GALNT2: variants seen among roughly 807,000 people sequenced by gnomAD.
GALNT2 encodes polypeptide N-acetylgalactosaminyltransferase 2, also known as UDP-GalNAc:polypeptide N-acetylgalactosaminyltransferase 2.
GALNT2 carries 31 observed loss-of-function variants against 81.4 expected under a neutral mutation model. That is an observed-to-expected ratio of 0.38 (90% confidence interval 0.29 to 0.51). The LOEUF is 0.51. Among genes scored for constraint, GALNT2 ranks in the 20% least tolerant of loss-of-function variants. The probability of loss-of-function intolerance (pLI) is 0.87; values close to 1 mark genes in which losing one functional copy is unlikely to be tolerated. For synonymous variants in GALNT2, 303 were observed against 287.4 expected (o/e 1.05, Z -0.55); for missense variants, 629 against 765.7 (o/e 0.82, Z 2.11).
At chr1:230,184,702 C>T (rs1663266478) in intron 2 of GALNT2, among the ~76,000 whole-genome samples, 1 of 151,842 alleles carries the variant, frequency 6.6e-6, no homozygotes, top group Non-Finnish European at 1.5e-5. Context: ...TATGATATGC[C>T]TCAGTGTAGT....
rs142119223 is a variant in GALNT2, at chr1:230,146,223, C to G, written c.127-31995C>G. ...AAGACTGTAGTTATTTTTCCCCTCC[C>G]TTTTCATGTATCTCGTTAGGGAGCC... On this transcript the variant is annotated intron_variant, in intron 1 of 15. Transcript: ENST00000366672. Among the ~76,000 whole-genome samples, 226 of 152,250 alleles carry G rather than the reference C, an allele frequency of 1.5e-3. 1 individual carries two copies. The highest frequency in any genetic ancestry group is 5.2e-3 in the African/African-American group (217 of 41,540).
At position 230,250,553 on chromosome 1, in the gene GALNT2, G is replaced by A. The variant is rs1175664199; in HGVS notation, c.1002G>A (p.Glu334=). 5 of 1,610,042 alleles carry A rather than the reference G, an allele frequency of 3.1e-6. No individual in the cohort carries two copies. Among genetic ancestry groups the A allele is most frequent in the African/African-American group, 2.7e-5 (2 of 74,862 alleles). ...YDMMMDVWGG[E]NLEISFRVWQ... ...TGATGATGGATGTGTGGGGAGGAGA[G>A]AACCTAGGTATGTACAAGCCTCAAA... The change falls in exon 10 of 16, where the codon GAG becomes GAA. Residue 334 remains glutamate (E), a synonymous_variant. Coordinates refer to ENST00000366672, the MANE Select transcript of GALNT2 (RefSeq NM_004481.5).
At chr1:230,155,795 C>T (rs1321889452) in intron 1 of GALNT2, among the ~76,000 whole-genome samples, 2 of 152,214 alleles carry the variant, frequency 1.3e-5, no homozygotes, top group South Asian at 4.1e-4. Flanking sequence ...AGGGCCAGGT[C>T]GTGAGGGCAC....
intron 1 of GALNT2, among the ~76,000 whole-genome samples, chr1:230,071,944 A>G (rs995017052): frequency 6.6e-6 from 1 of 152,184 alleles, no homozygotes; most frequent in African/African-American, 2.4e-5. Context: ...ACCCTTGAGC[A>G]AAAATGAAAA....
chr1:230,184,673 T>C (rs141664451), intron 2 of GALNT2, among the ~76,000 whole-genome samples: 1 of 152,278 alleles, frequency 6.6e-6, no homozygotes, highest in Non-Finnish European at 1.5e-5. Flanking sequence ...TCTTTATCTT[T>C]GATTTTCTGC....
intron 3 of GALNT2, among the ~76,000 whole-genome samples, chr1:230,219,954 A>AT (rs1431272791): frequency 6.6e-6 from 1 of 152,158 alleles, no homozygotes; most frequent in Non-Finnish European, 1.5e-5. Flanking sequence ...TTCTCCAGGT[A>AT]TTTCGTAAGT....
intron 1 of GALNT2, among the ~76,000 whole-genome samples, chr1:230,075,327 C>T (rs1471714237): frequency 3.3e-5 from 5 of 151,878 alleles, no homozygotes; most frequent in Non-Finnish European, 7.4e-5. Flanking sequence ...GGTTTCACCA[C>T]CCAGGCTGGT....
intron 1 of GALNT2, chr1:230,092,175 A>AGGTTTTTTTT (rs1660104012): frequency 9.6e-5 from 2 of 20,762 alleles, no homozygotes; most frequent in East Asian, 1.9e-3. Context: ...ATATTCCTTT[A>AGGTTTTTTTT]GTTTTTTTTT....
intron 14 of GALNT2, among the ~76,000 whole-genome samples, chr1:230,267,649 G>T (rs1047712603): frequency 6.6e-6 from 1 of 152,216 alleles, no homozygotes; most frequent in Non-Finnish European, 1.5e-5. Context: ...CTCGTCACAG[G>T]CCCCACCCGT....
intron 1 of GALNT2, among the ~76,000 whole-genome samples, chr1:230,165,667 T>C (rs1403086026): frequency 6.6e-6 from 1 of 152,260 alleles, no homozygotes; most frequent in Admixed American, 6.5e-5. Flanking sequence ...GTATGGAGAA[T>C]GTCCCAGCTG....
intron 14 of GALNT2, among the ~76,000 whole-genome samples, chr1:230,273,972 T>C (rs147188450): frequency 6.6e-6 from 1 of 152,378 alleles, no homozygotes; most frequent in East Asian, 1.9e-4. Context: ...CAATGTGTTA[T>C]TTACTACAGT....
At chr1:230,255,128 A>G (rs2102752896) in intron 10 of GALNT2, 90 bp from the exon 11 acceptor site, 2 of 1,589,398 alleles carry the variant, frequency 1.3e-6, no homozygotes, top group Non-Finnish European at 1.7e-6. Flanking sequence ...TGGGATGGTC[A>G]GGGGGCCTCT....
intron 6 of GALNT2, among the ~76,000 whole-genome samples, chr1:230,240,035 C>T (rs1665151652): frequency 6.6e-6 from 1 of 152,192 alleles, no homozygotes; most frequent in Non-Finnish European, 1.5e-5. Flanking sequence ...TACATTTTTA[C>T]TTCAAATAGT....
At chr1:230,235,621 G>C (rs536514825) in intron 3 of GALNT2, among the ~76,000 whole-genome samples, 2 of 152,196 alleles carry the variant, frequency 1.3e-5, no homozygotes, top group South Asian at 4.1e-4. Flanking sequence ...TAGAAAACAA[G>C]AAAAGAGCAG....
At chr1:230,150,984 G>T (rs1174673769) in intron 1 of GALNT2, among the ~76,000 whole-genome samples, 1 of 152,194 alleles carries the variant, frequency 6.6e-6, no homozygotes, top group South Asian at 2.1e-4. Flanking sequence ...GACGAGGCTG[G>T]TGCACCCGGC....
intron 2 of GALNT2, 39 bp downstream of exon 2, chr1:230,178,350 C>T (rs369774628): frequency 3.8e-5 from 57 of 1,496,356 alleles, no homozygotes; most frequent in East Asian, 4.5e-5. Context: ...GCTTTGAGCA[C>T]GTGATTGGGA....
intron 2 of GALNT2, among the ~76,000 whole-genome samples, chr1:230,185,936 C>T (rs1211725365): frequency 6.6e-6 from 1 of 152,222 alleles, no homozygotes; most frequent in African/African-American, 2.4e-5. Flanking sequence ...TTTCTACTTA[C>T]AGGCTTCTGC....
rs140775617 is a variant in GALNT2 at position 230,200,709 on chromosome 1, C to T, written c.221-2428C>T. Among the ~76,000 whole-genome samples the T allele has an allele frequency of 1.5e-3, 236 of 152,350 alleles. 1 individual carries two copies. The highest frequency in any genetic ancestry group is 5.3e-3 in the African/African-American group (222 of 41,586). ...TCCTTGCACACAGGCCCACACCAACCAGAGTCCTCAGACTTTGCTGTCCCC... is the reference window on the plus strand; with the variant it reads ...TCCTTGCACACAGGCCCACACCAACTAGAGTCCTCAGACTTTGCTGTCCCC... On this transcript the variant is annotated intron_variant, in intron 2 of 15. Transcript: ENST00000366672.
At chr1:230,170,753 A>T (rs1297925112) in intron 1 of GALNT2, among the ~76,000 whole-genome samples, 1 of 152,160 alleles carries the variant, frequency 6.6e-6, no homozygotes, top group Non-Finnish European at 1.5e-5. Context: ...TCACATGGCA[A>T]GAGAGTGAGC....
Sources: allele counts gnomAD v4.1 joint callset (sites outside exome capture counted in the v4.1 genomes callset), GRCh38; gene constraint gnomAD v4.1.1; transcripts MANE v1.5; gene names NCBI Gene and HGNC (gene_info 2026-07-23, HGNC 2026-07-21).